Variants in LUZP2 observed in about 807,000 individuals in gnomAD.
LUZP2 encodes the protein leucine zipper protein 2.
A neutral mutation model predicts 51.6 loss-of-function variants in LUZP2; 52 were observed. The observed-to-expected ratio is 1.01, with a 90% CI of 0.81 to 1.27. LUZP2 has a LOEUF of 1.27. Ranked by LOEUF, LUZP2 falls within the 50% of genes most tolerant of loss-of-function variation. LUZP2 has a pLI of 0.00. For synonymous variants in LUZP2, 154 were observed against 137.3 expected, an observed-to-expected ratio of 1.12 and a Z score of -0.85; for missense variants, 436 against 395.4, an observed-to-expected ratio of 1.10 and a Z score of -0.87.
chr11:24,631,863 G>A (rs1176227826), intron 1 of LUZP2, among the ~76,000 whole-genome samples: 1 of 151,820 alleles, frequency 6.6e-6, no homozygotes, highest in African/African-American at 2.4e-5. Context: ...AATCCTTCTA[G>A]TCATTAGTGG....
At chr11:25,056,854 G>A (rs113963103) in intron 10 of LUZP2, among the ~76,000 whole-genome samples, 5 of 152,026 alleles carry the variant, frequency 3.3e-5, no homozygotes, top group African/African-American at 1.2e-4. Context: ...TAATCCCGGC[G>A]CTTTGGGAGC....
At chr11:25,051,104 A>G (rs1858495200) in intron 10 of LUZP2, among the ~76,000 whole-genome samples, 1 of 152,136 alleles carries the variant, frequency 6.6e-6, no homozygotes, top group African/African-American at 2.4e-5. Flanking sequence ...AAAAATATAT[A>G]ATGATGATAA....
chr11:24,503,879 A>T (rs1459279701), intron 1 of LUZP2, among the ~76,000 whole-genome samples: 1 of 152,100 alleles, frequency 6.6e-6, no homozygotes, highest in Non-Finnish European at 1.5e-5. Flanking sequence ...AAATAACTTA[A>T]AAACAAATTG....
At chr11:25,031,703 T>C (rs890277110) in intron 9 of LUZP2, among the ~76,000 whole-genome samples, 1 of 152,126 alleles carries the variant, frequency 6.6e-6, no homozygotes, top group Non-Finnish European at 1.5e-5. Flanking sequence ...TGTTTTTCTT[T>C]GATATGGGCA....
intron 5 of LUZP2, among the ~76,000 whole-genome samples, chr11:24,851,171 G>A (rs1254505890): frequency 6.6e-6 from 1 of 152,170 alleles, no homozygotes; most frequent in Non-Finnish European, 1.5e-5. Flanking sequence ...TGGTGAGAGA[G>A]GGCATCCTTG....
At chr11:24,538,674 A>C (rs1050806017) in intron 1 of LUZP2, among the ~76,000 whole-genome samples, 18 of 151,508 alleles carry the variant, frequency 1.2e-4, no homozygotes, top group African/African-American at 4.3e-4. Context: ...GTGTGTATAT[A>C]TATATATAAA....
intron 1 of LUZP2, among the ~76,000 whole-genome samples, chr11:24,644,492 T>C (rs1855406411): frequency 1.4e-5 from 2 of 148,058 alleles, no homozygotes; most frequent in African/African-American, 2.5e-5. Context: ...CAACCTCTCT[T>C]TTTTTTTTTT....
intron 6 of LUZP2, among the ~76,000 whole-genome samples, chr11:24,913,922 A>G (rs1053983003): frequency 1.3e-5 from 2 of 152,006 alleles, no homozygotes; most frequent in Non-Finnish European, 2.9e-5. Flanking sequence ...GCTGAGAAAG[A>G]TTTTCTTTTT....
In LUZP2 at chr11:24,508,975, A is replaced by G. The variant is rs141968620; in HGVS notation, c.62+11670A>G. Among the ~76,000 whole-genome samples, 286 of 152,248 alleles carry G rather than the reference A, an allele frequency of 1.9e-3. 2 individuals are homozygous for G. The highest frequency in any genetic ancestry group is 6.5e-3 in the African/African-American group (268 of 41,548). ...TCCTGAGACAATAAAAGTTAGCAATAAAATTTTTGATGGCTAGATATTTGG... is the reference window on the plus strand; with the variant it reads ...TCCTGAGACAATAAAAGTTAGCAATGAAATTTTTGATGGCTAGATATTTGG... On this transcript the variant is annotated intron_variant, in intron 1 of 11. Coordinates refer to ENST00000336930, the MANE Select transcript of LUZP2 (RefSeq NM_001009909.4).
At chr11:24,533,875 A>T (rs1851088708) in intron 1 of LUZP2, among the ~76,000 whole-genome samples, 1 of 151,146 alleles carries the variant, frequency 6.6e-6, no homozygotes, top group African/African-American at 2.4e-5. Context: ...TAACCCAGTC[A>T]CTTAACATAT....
intron 9 of LUZP2, among the ~76,000 whole-genome samples, chr11:25,024,471 G>A (rs1424595363): frequency 1.3e-5 from 2 of 152,048 alleles, no homozygotes; most frequent in Non-Finnish European, 2.9e-5. Flanking sequence ...AAATCAATGT[G>A]CAAAAATCAC....
chr11:25,072,511 A>G (rs1432361807), intron 10 of LUZP2, among the ~76,000 whole-genome samples: 1 of 152,140 alleles, frequency 6.6e-6, no homozygotes, highest in Non-Finnish European at 1.5e-5. Flanking sequence ...TGTGTGGCCA[A>G]AAAGGGAAAA....
At chr11:24,688,866 A>G (rs183424448) in intron 1 of LUZP2, among the ~76,000 whole-genome samples, 2 of 152,108 alleles carry the variant, frequency 1.3e-5, no homozygotes, top group Non-Finnish European at 2.9e-5. Context: ...AGGCTCTGCT[A>G]TCCCATTCTC....
chr11:24,987,682 G>T (rs1340788341), intron 9 of LUZP2, among the ~76,000 whole-genome samples: 1 of 151,896 alleles, frequency 6.6e-6, no homozygotes, highest in African/African-American at 2.4e-5. Flanking sequence ...AACGAATGGG[G>T]CTCTCTTTAG....
At chr11:24,522,648 T>C (rs934114644) in intron 1 of LUZP2, among the ~76,000 whole-genome samples, 10 of 152,048 alleles carry the variant, frequency 6.6e-5, no homozygotes, top group African/African-American at 2.2e-4. Flanking sequence ...CTTTAAATCT[T>C]ATTGCCAATC....
At chr11:24,993,913 T>A (rs6484092) in intron 9 of LUZP2, among the ~76,000 whole-genome samples, 1 of 152,050 alleles carries the variant, frequency 6.6e-6, no homozygotes, top group African/African-American at 2.4e-5. Context: ...CAGGCTGGAG[T>A]GCAGTGGTGC....
At chr11:24,909,694 C>G (rs1363785922) in intron 6 of LUZP2, among the ~76,000 whole-genome samples, 2 of 152,044 alleles carry the variant, frequency 1.3e-5, no homozygotes, top group Non-Finnish European at 2.9e-5. Flanking sequence ...GCAGAATTAT[C>G]TTAGAGGGCC....
chr11:25,039,287 A>C (rs959769569), intron 9 of LUZP2, among the ~76,000 whole-genome samples: 11 of 152,112 alleles, frequency 7.2e-5, no homozygotes, highest in African/African-American at 1.2e-4. Flanking sequence ...TGGGGGATGC[A>C]AAAGGCTTTC....
intron 9 of LUZP2, among the ~76,000 whole-genome samples, chr11:25,014,602 T>C (rs1039414099): frequency 1.3e-5 from 2 of 152,184 alleles, no homozygotes; most frequent in Non-Finnish European, 2.9e-5. Context: ...GGGTTGTTTG[T>C]CTTTTTCTTG....
Sources: allele counts gnomAD v4.1 joint callset (sites outside exome capture counted in the v4.1 genomes callset), GRCh38; gene constraint gnomAD v4.1.1; transcripts MANE v1.5; gene names NCBI Gene and HGNC (gene_info 2026-07-23, HGNC 2026-07-21).